Variants in OR51B5 observed in about 807,000 individuals in gnomAD.
OR51B5 encodes the protein olfactory receptor family 51 subfamily B member 5.
For synonymous variants in OR51B5, 186 were observed against 144.8 expected (o/e 1.28, Z -2.04); for missense variants, 456 against 374.6 (o/e 1.22, Z -1.79).
rs188490928 is a variant in OR51B5 at position 5,364,062 on chromosome 11, C to T, written n.85-17152G>A. Among the ~76,000 whole-genome samples, 420 of 152,240 alleles carry T rather than the reference C, an allele frequency of 2.8e-3. 1 individual carries two copies. The highest frequency in any genetic ancestry group is 3.0e-3 in the Non-Finnish European group (207 of 68,014). ...GTGATGTGGACCTCTGAGCCAGGTA[C>T]TATCTCATTCTCCATGGTTGCAATA... is the stretch of plus-strand genomic sequence containing the variant. On this transcript the variant is annotated intron_variant and non_coding_transcript_variant, in intron 1 of 4. Transcript: ENST00000415970.
rs777307011 is a variant in OR51B5, at chr11:5,343,115, G to GTATT, written c.406_409dup (p.Thr137LysfsTer49). On this transcript the variant is annotated frameshift_variant, in exon 1 of 1. Coordinates refer to ENST00000300773, the Ensembl canonical transcript of OR51B5. LOFTEE classifies it low-confidence loss of function (END_TRUNC). ...TCCCAGCCCAATCTTCACTACTCGA[G>GTATT]TATTAGTAAGTACAGAGGTATATCT... is the stretch of plus-strand genomic sequence containing the variant. 6.2e-7 allele frequency: 1 copy of GTATT among 1,613,060 alleles called. No homozygotes were observed. Among genetic ancestry groups the GTATT allele is most frequent in the African/African-American group, 1.3e-5 (1 of 74,886 alleles).
At chr11:5,353,020 G>C (rs777660841) in intron 1 of OR51B5, among the ~76,000 whole-genome samples, 1 of 151,378 alleles carries the variant, frequency 6.6e-6, no homozygotes, top group Non-Finnish European at 1.5e-5. Flanking sequence ...TTATACATAG[G>C]AATAAGGCAT....
intron 1 of OR51B5, among the ~76,000 whole-genome samples, chr11:5,476,918 C>A (rs768237162): frequency 9.2e-5 from 14 of 152,008 alleles, no homozygotes; most frequent in Non-Finnish European, 2.1e-4. Flanking sequence ...CATCGAAAAA[C>A]AGGAAGATAT....
intron 1 of OR51B5, among the ~76,000 whole-genome samples, chr11:5,504,819 G>A (rs1201514240): frequency 2.0e-5 from 3 of 152,178 alleles, no homozygotes; most frequent in African/African-American, 7.2e-5. Context: ...TGCCCCAGAA[G>A]CCTCCTCCTC....
chr11:5,435,921 T>G (rs1437833576), intron 1 of OR51B5, among the ~76,000 whole-genome samples: 1 of 152,242 alleles, frequency 6.6e-6, no homozygotes, highest in African/African-American at 2.4e-5. Context: ...TGTCAGATTT[T>G]GAGCTCTTTT....
Position 5,423,017 on chromosome 11 carries a change from C to G in OR51B5, n.85-76107G>C, listed in dbSNP as rs369284394. The stretch of plus-strand genomic sequence containing the variant: ...TCGCTTTGCCAAGCATGCCTCTCCA[C>G]TGGTCCATGTTATCATGGCCAATAT... On this transcript the variant is annotated intron_variant and non_coding_transcript_variant, in intron 1 of 4. Transcript: ENST00000415970. 9.5e-5 allele frequency: 154 copies of G among 1,614,010 alleles called. No individual in the cohort carries two copies. The highest frequency in any genetic ancestry group is 1.3e-4 in the Admixed American group (8 of 59,998).
intron 1 of OR51B5, among the ~76,000 whole-genome samples, chr11:5,368,204 C>T (rs1849400537): frequency 6.6e-6 from 1 of 152,144 alleles, no homozygotes; most frequent in Admixed American, 6.6e-5. Flanking sequence ...TTCTTGAAAC[C>T]TATTGTTTCA....
chr11:5,343,978 T>C (rs1263808740), upstream of OR51B5, among the ~76,000 whole-genome samples: 2 of 152,208 alleles, frequency 1.3e-5, no homozygotes, highest in African/African-American at 4.8e-5. Flanking sequence ...CACATTTTCC[T>C]GCATGTAAAG....
At chr11:5,479,337 G>T (rs1851376992) in intron 1 of OR51B5, among the ~76,000 whole-genome samples, 1 of 151,482 alleles carries the variant, frequency 6.6e-6, no homozygotes, top group Non-Finnish European at 1.5e-5. Context: ...CACCAGGTCT[G>T]CCCTAAAAGA....
intron 1 of OR51B5, among the ~76,000 whole-genome samples, chr11:5,450,854 A>T (rs752040977): frequency 6.6e-6 from 1 of 152,144 alleles, no homozygotes; most frequent in Non-Finnish European, 1.5e-5. Flanking sequence ...TTTGCTGAGG[A>T]TGATGGCTTC....
At position 5,414,185 on chromosome 11, in the gene OR51B5, C is replaced by T. The variant is rs36173832; in HGVS notation, n.85-67275G>A. ...GAATTTCATATCCAGCCAAACTAAG[C>T]TTCATAAGTGAAGGAGAAATAAAAT... On this transcript the variant is annotated intron_variant and non_coding_transcript_variant, in intron 1 of 4. Transcript: ENST00000415970. 0.039 allele frequency among the ~76,000 whole-genome samples: 5,941 copies of T among 151,722 alleles called. 511 individuals are homozygous for T. The East Asian group carries it at 0.4, about 10-fold the overall frequency.
At chr11:5,373,770 C>A in intron 1 of OR51B5, among the ~76,000 whole-genome samples, 1 of 152,176 alleles carries the variant, frequency 6.6e-6, no homozygotes, top group Non-Finnish European at 1.5e-5. Flanking sequence ...GGCAGCGAGG[C>A]TGGGGGAGGG....
At chr11:5,476,299 A>C (rs1361853662) in intron 1 of OR51B5, among the ~76,000 whole-genome samples, 1 of 152,260 alleles carries the variant, frequency 6.6e-6, no homozygotes, top group African/African-American at 2.4e-5. Context: ...TTTGCATATC[A>C]AAATGGAGCC....
chr11:5,417,053 C>G (rs1010032211), intron 1 of OR51B5, among the ~76,000 whole-genome samples: 3 of 150,590 alleles, frequency 2.0e-5, no homozygotes, highest in African/African-American at 7.3e-5. Context: ...GTAAACAAAA[C>G]AGCATGGTAC....
chr11:5,447,579 C>A (rs952423472), intron 1 of OR51B5, among the ~76,000 whole-genome samples: 1 of 150,728 alleles, frequency 6.6e-6, no homozygotes, highest in Non-Finnish European at 1.5e-5. Context: ...ATGTTATCAC[C>A]GCTCAGTCTC....
chr11:5,416,532 T>C (rs943557623), intron 1 of OR51B5, among the ~76,000 whole-genome samples: 8 of 151,520 alleles, frequency 5.3e-5, no homozygotes, highest in African/African-American at 1.9e-4. Flanking sequence ...AAAACCCCAT[T>C]GTCTCAGCCC....
chr11:5,464,898 C>T (rs1851113637), intron 1 of OR51B5, among the ~76,000 whole-genome samples: 1 of 152,164 alleles, frequency 6.6e-6, no homozygotes, highest in African/African-American at 2.4e-5. Context: ...TTTACAGTCC[C>T]ACCAACAGTG....
At chr11:5,481,540 A>G (rs1301385230) in intron 1 of OR51B5, among the ~76,000 whole-genome samples, 1 of 149,566 alleles carries the variant, frequency 6.7e-6, no homozygotes, top group Non-Finnish European at 1.5e-5. Context: ...AATAAAGGGT[A>G]TTCAAGCAGG....
intron 1 of OR51B5, among the ~76,000 whole-genome samples, chr11:5,445,536 T>C (rs1850747562): frequency 6.6e-6 from 1 of 152,018 alleles, no homozygotes; most frequent in Admixed American, 6.6e-5. Context: ...TAGATATTAT[T>C]ATCAGCACTT....
Sources: gnomAD v4.1 joint callset for allele counts (sites outside exome capture counted in the v4.1 genomes callset) on GRCh38, gnomAD v4.1.1 for gene constraint, MANE v1.5 for transcripts, NCBI Gene and HGNC (gene_info 2026-07-23, HGNC 2026-07-21) for gene names.